LAMA3: variants seen among roughly 807,000 people sequenced by gnomAD.
LAMA3 encodes the protein laminin subunit alpha-3.
A neutral mutation model predicts 402.0 loss-of-function variants in LAMA3; 281 were observed. The ratio of observed to expected loss-of-function variants is 0.70; its 90% CI spans 0.63 to 0.77. The LOEUF (loss-of-function observed/expected upper bound fraction) is 0.77. LAMA3 is among the 30% of genes least tolerant of loss of function. The probability of loss-of-function intolerance (pLI) is 0.00; values close to 1 mark genes in which losing one functional copy is unlikely to be tolerated. For synonymous variants in LAMA3, 1,431 were observed against 1,558.4 expected (o/e 0.92, Z 1.93); for missense variants, 3,840 against 4,215.5 (o/e 0.91, Z 2.47).
intron 1 of LAMA3, among the ~76,000 whole-genome samples, chr18:23,712,852 TC>T (rs560156333): frequency 1.2e-3 from 179 of 151,784 alleles, no homozygotes; most frequent in African/African-American, 4.1e-3. Flanking sequence ...TGCCTCTTTG[TC>T]CCCCTCCTAT....
chr18:23,840,415 C>G (rs1308580664), intron 27 of LAMA3, among the ~76,000 whole-genome samples: 2 of 117,086 alleles, frequency 1.7e-5, no homozygotes, highest in African/African-American at 6.9e-5. Context: ...CAGATTCTTG[C>G]TCTATCACTC....
At chr18:23,845,772 C>G (rs1026346972) in intron 30 of LAMA3, among the ~76,000 whole-genome samples, 55 of 152,298 alleles carry the variant, frequency 3.6e-4, no homozygotes, top group South Asian at 4.1e-4. Flanking sequence ...ACTCCATAAC[C>G]TTGCAGCCTT....
chr18:23,847,056 G>A (rs1486207228), intron 31 of LAMA3, among the ~76,000 whole-genome samples: 1 of 152,178 alleles, frequency 6.6e-6, no homozygotes, highest in Non-Finnish European at 1.5e-5. Context: ...AGAGGCCAAG[G>A]AACAAGAACC....
In LAMA3 at chr18:23,785,032, G is replaced by A. The variant is rs375513217; in HGVS notation, c.1603+875G>A. 8.1e-4 allele frequency among the ~76,000 whole-genome samples: 124 copies of A among 152,326 alleles called. 3 individuals carry two copies. The South Asian group carries it at 0.025, about 31-fold the overall frequency. On this transcript the variant is annotated intron_variant, in intron 12 of 74. Transcript: ENST00000313654. The stretch of plus-strand genomic sequence containing the variant: ...TGGGCTTCCAAGGAGGCCTCCAATG[G>A]AATGGCTGGGTTTTAAGCCCAGACT...
At chr18:23,905,455 A>G (rs2081210287) in intron 51 of LAMA3, 67 bp from the exon 52 acceptor site, 1 of 902,080 alleles carries the variant, frequency 1.1e-6, no homozygotes, top group Admixed American at 1.7e-5. Flanking sequence ...AGACTAGGAT[A>G]GAAATCTTAT....
intron 2 of LAMA3, among the ~76,000 whole-genome samples, chr18:23,722,043 G>A (rs770410588): frequency 7.2e-5 from 11 of 152,096 alleles, no homozygotes; most frequent in East Asian, 3.8e-4. Flanking sequence ...TGTCACATAC[G>A]CTCCTTCAGT....
At chr18:23,875,258 A>G (rs1389813483) in intron 38 of LAMA3, among the ~76,000 whole-genome samples, 2 of 152,230 alleles carry the variant, frequency 1.3e-5, no homozygotes, top group African/African-American at 4.8e-5. Context: ...AATAATTTTA[A>G]TGGCTGGTAT....
chr18:23,784,067 G>A lies in LAMA3; in HGVS notation c.1513G>A (p.Ala505Thr). The change falls in exon 12 of 75, where the codon GCC (alanine) becomes ACC (threonine). Residue 505 changes from alanine (A) to threonine (T), a missense_variant. By Grantham distance (58) the Ala-to-Thr change is moderately conservative (BLOSUM62 0). Around this residue, in one of 3 missense-constraint regions of LAMA3, gnomAD observed 2,109 missense variants for 2,376.0 expected, o/e 0.89. Coordinates refer to ENST00000313654, the MANE Select transcript of LAMA3 (RefSeq NM_198129.4). The stretch of plus-strand genomic sequence containing the variant: ...AGGTGTTCTCCCTGAAATATGTGAT[G>A]CCCACGGACGGTGCCTGTGCCGCCC... ...LEGVLPEICD[A>T]HGRCLCRPGV... 1.2e-6 allele frequency: 2 copies of A among 1,614,100 alleles called. No individual in the cohort carries two copies. The highest frequency in any genetic ancestry group is 1.7e-6 in the Non-Finnish European group (2 of 1,180,004).
intron 12 of LAMA3, among the ~76,000 whole-genome samples, chr18:23,808,705 C>T (rs1047659453): frequency 6.6e-6 from 1 of 152,154 alleles, no homozygotes; most frequent in Admixed American, 6.5e-5. Flanking sequence ...GTTTCTTTTA[C>T]GTTTCTGATG....
At chr18:23,893,344 G>C (rs2080757623) in intron 42 of LAMA3, among the ~76,000 whole-genome samples, 1 of 152,178 alleles carries the variant, frequency 6.6e-6, no homozygotes, top group Admixed American at 6.5e-5. Flanking sequence ...GGGTTGACCA[G>C]CAGGCTTTAC....
At position 23,845,020 on chromosome 18, in the gene LAMA3, A is replaced by G. The variant is rs368047900; in HGVS notation, c.3615A>G (p.Leu1205=). ...TGGATTTCTTTCAGGTCCGTGTTCT[A>G]GTGGTGCCTGCAGAAAACTATGACT... ...EGKSLVLVRV[L]VVPAENYDYQ... is the part of the protein sequence containing the mutation. The change falls in exon 30 of 75, where the codon CTA becomes CTG. Residue 1205 remains leucine, a synonymous_variant. Coordinates refer to ENST00000313654, the MANE Select transcript of LAMA3 (RefSeq NM_198129.4). 147 of 1,589,464 alleles carry G rather than the reference A, an allele frequency of 9.2e-5. No individual in the cohort carries two copies. The highest frequency in any genetic ancestry group is 1.5e-4 in the Admixed American group (9 of 59,972).
rs116302888 is a variant in LAMA3 at position 23,814,805 on chromosome 18, C to T, written c.1888+303C>T. On this transcript the variant is annotated intron_variant, in intron 15 of 74. Coordinates refer to ENST00000313654, the MANE Select transcript of LAMA3 (RefSeq NM_198129.4). ...TTTCTGGTTTAATTTTAATTTTATG[C>T]TTATATCAGAGCCAGTATAAGGACT... 2.1e-3 allele frequency among the ~76,000 whole-genome samples: 325 copies of T among 152,192 alleles called. 2 individuals are homozygous for T. Among genetic ancestry groups the T allele is most frequent in the African/African-American group, 7.5e-3 (310 of 41,510 alleles).
intron 50 of LAMA3, 29 bp from the exon 51 acceptor site, chr18:23,904,524 G>A: frequency 6.4e-7 from 1 of 1,571,906 alleles, no homozygotes; most frequent in Non-Finnish European, 8.6e-7. Context: ...GAAGGCTGTG[G>A]GGAGTGGCTA....
chr18:23,814,643 C>T, intron 15 of LAMA3, 141 bp downstream of exon 15: 2 of 654,376 alleles, frequency 3.1e-6, no homozygotes, highest in Non-Finnish European at 5.5e-6. Context: ...GATGTTTTCC[C>T]CCCACTTTTG....
chr18:23,895,226 G>A (rs1309400976), intron 44 of LAMA3, among the ~76,000 whole-genome samples, 168 bp downstream of exon 44: 1 of 152,204 alleles, frequency 6.6e-6, no homozygotes, highest in Non-Finnish European at 1.5e-5. Context: ...TCATTTTTGT[G>A]AACACACAAA....
In LAMA3 at chr18:23,763,867, G is replaced by A. The variant is rs554731990; in HGVS notation, c.1182+344G>A. Among the ~76,000 whole-genome samples the A allele has an allele frequency of 9.8e-5, 15 of 152,292 alleles. No individual in the cohort carries two copies. In the East Asian group the frequency reaches 2.9e-3, roughly 29 times the overall value. ...ACAAGTAGTTATTAATGTTAGTGCT[G>A]ACCCTACATCCTGTTTTCAGACAGA... On this transcript the variant is annotated intron_variant, in intron 8 of 74. Coordinates refer to ENST00000313654, the MANE Select transcript of LAMA3 (RefSeq NM_198129.4).
intron 32 of LAMA3, among the ~76,000 whole-genome samples, chr18:23,853,825 C>T (rs116331008): frequency 1.2e-3 from 180 of 152,238 alleles, no homozygotes; most frequent in African/African-American, 4.1e-3. Flanking sequence ...CAAGTCAGGC[C>T]GACATGAGGT....
Position 23,709,451 on chromosome 18 carries a change from A to G in LAMA3, c.295-4469A>G, listed in dbSNP as rs181575319. Among the ~76,000 whole-genome samples, 9 of 152,322 alleles carry G rather than the reference A, an allele frequency of 5.9e-5. No individual in the cohort carries two copies. In the East Asian group the frequency reaches 1.7e-3, roughly 29 times the overall value. ...TTATTTCGTTTATTCCAAATGTTAT[A>G]CATCTGTTTTTTTCTCCTGCCTTTA... is the stretch of plus-strand genomic sequence containing the variant. On this transcript the variant is annotated intron_variant, in intron 1 of 74. Coordinates refer to ENST00000313654, the MANE Select transcript of LAMA3 (RefSeq NM_198129.4).
intron 2 of LAMA3, among the ~76,000 whole-genome samples, chr18:23,714,380 T>G (rs2061056134): frequency 6.6e-6 from 1 of 151,628 alleles, no homozygotes; most frequent in South Asian, 2.1e-4. Context: ...ATTAGCCGGG[T>G]GTGGTGGCGG....
Sources: allele counts gnomAD v4.1 joint callset (sites outside exome capture counted in the v4.1 genomes callset), GRCh38; gene constraint gnomAD v4.1.1; regional missense constraint gnomAD v4.1.1; transcripts MANE v1.5; gene names NCBI Gene and HGNC (gene_info 2026-07-23, HGNC 2026-07-21).